The following STAB1 variants were observed in gnomAD, a reference collection of about 807,000 sequenced individuals.
STAB1 encodes stabilin-1.
Under a neutral mutation model 332.4 loss-of-function variants are expected in STAB1, and 250 were observed. That is an observed-to-expected ratio of 0.75 (90% confidence interval 0.68 to 0.84). The LOEUF is 0.84. STAB1 is among the 40% of genes least tolerant of loss of function. STAB1 has a pLI of 0.00. For synonymous variants in STAB1, 1,475 were observed against 1,390.4 expected (o/e 1.06, Z -1.35); for missense variants, 3,249 against 3,489.7 (o/e 0.93, Z 1.74).
chr3:52,506,444 C>T (rs907920455), intron 17 of STAB1, among the ~76,000 whole-genome samples, 194 bp downstream of exon 17: 2 of 152,198 alleles, frequency 1.3e-5, no homozygotes, highest in African/African-American at 4.8e-5. Flanking sequence ...GGGAGGACTC[C>T]AAAAAGGAGC....
intron 1 of STAB1, among the ~76,000 whole-genome samples, chr3:52,495,861 G>A (rs868846470): frequency 6.6e-6 from 1 of 152,326 alleles, no homozygotes; most frequent in Middle Eastern, 3.4e-3. Flanking sequence ...AACCCCCGAG[G>A]ACTACAGATT....
Position 52,523,558 on chromosome 3 carries a change from C to T in STAB1, c.7272C>T (p.Asn2424=), listed in dbSNP as rs2079153934. 1 of 1,612,846 alleles carries T rather than the reference C, an allele frequency of 6.2e-7. No individual in the cohort carries two copies. Among genetic ancestry groups the T allele is most frequent in the Non-Finnish European group, 8.5e-7 (1 of 1,180,000 alleles). The stretch of plus-strand genomic sequence containing the variant: ...TCATCAGTGACGCAGGCCCTGACAA[C>T]AGTTCCTGGGCCCCTGTGGTGAGTC... ...SLIISDAGPD[N]SSWAPVAPGT... is the part of the protein sequence containing the mutation. The change falls in exon 65 of 69, where the codon AAC becomes AAT. Residue 2424 remains asparagine (N), a synonymous_variant. Transcript: ENST00000321725.
chr3:52,520,745 G>A, intron 54 of STAB1, 47 bp downstream of exon 54: 1 of 1,612,612 alleles, frequency 6.2e-7, no homozygotes, highest in African/African-American at 1.3e-5. Flanking sequence ...GGGGCAGGCA[G>A]AGCCCAAGGA....
At position 52,501,083 on chromosome 3, in the gene STAB1, T is replaced by C. The variant is rs996624306; in HGVS notation, c.79-83T>C. 16 of 1,538,742 alleles carry C rather than the reference T, an allele frequency of 1.0e-5. No individual in the cohort carries two copies. The African/African-American group carries it at 1.6e-4, about 16-fold the overall frequency. On this transcript the variant is annotated intron_variant, in intron 1 of 68. Transcript: ENST00000321725. Reference sequence around the variant, plus strand: ...AGATGGGAAGTGGCAGCTGGAGGGGTGTGAGCCCTTGCAGCACTGAGGACA... The same window carrying C: ...AGATGGGAAGTGGCAGCTGGAGGGGCGTGAGCCCTTGCAGCACTGAGGACA...
chr3:52,501,539 A>G (rs1381883296), intron 2 of STAB1, 99 bp from the exon 3 acceptor site: 6 of 1,106,064 alleles, frequency 5.4e-6, no homozygotes, highest in East Asian at 2.8e-5. Context: ...CAGGCAGAGC[A>G]GGGAGGTGGG....
rs150486615 is a variant in STAB1, at chr3:52,523,562, T to G, written c.7276T>G (p.Ser2426Ala). The G allele has an allele frequency of 8.6e-5, 139 of 1,612,804 alleles. No homozygotes were observed. In the East Asian group the frequency reaches 1.8e-3, roughly 21 times the overall value. Residue 2426 changes from serine (S) to alanine (A), a missense_variant, in exon 65 of 69, where the codon TCC (serine) becomes GCC (alanine). Physicochemically the swap from Ser to Ala is moderately conservative, Grantham distance 99. Transcript: ENST00000321725. ...IISDAGPDNS[S>A]WAPVAPGTVV... is the part of the protein sequence containing the mutation. The stretch of plus-strand genomic sequence containing the variant: ...CAGTGACGCAGGCCCTGACAACAGT[T>G]CCTGGGCCCCTGTGGTGAGTCTGGC...
Position 52,523,691 on chromosome 3 carries a change from G to A in STAB1, c.7330G>A (p.Asp2444Asn). 6.2e-7 allele frequency: 1 copy of A among 1,612,024 alleles called. No individual in the cohort carries two copies. The highest frequency in any genetic ancestry group is 1.3e-5 in the African/African-American group (1 of 75,030). The stretch of plus-strand genomic sequence containing the variant: ...TGTGGTTAGCCGTATCATTGTGTGG[G>A]ACATCATGGCCTTCAATGGCATCAT... ...TVVVSRIIVW[D>N]IMAFNGIIHA... Residue 2444 changes from aspartate (D) to asparagine (N), a missense_variant, in exon 66 of 69, where the codon GAC (aspartate) becomes AAC (asparagine). Physicochemically the swap from Asp to Asn is conservative, Grantham distance 23. Coordinates refer to ENST00000321725, the MANE Select transcript of STAB1 (RefSeq NM_015136.3).
In STAB1 at chr3:52,502,787, G is replaced by T. The variant is rs1708549629; in HGVS notation, c.583+60G>T. The stretch of plus-strand genomic sequence containing the variant: ...GGTCCCTGTGGCCAGAGCAAAAGAG[G>T]CCGACTGGGTGAGGATGGGGCCTGA... On this transcript the variant is annotated intron_variant, in intron 6 of 68. Transcript: ENST00000321725. 8 of 1,553,770 alleles carry T rather than the reference G, an allele frequency of 5.1e-6. No homozygotes were observed. In the Admixed American group the frequency reaches 5.2e-5, roughly 10 times the overall value.
In STAB1 at chr3:52,522,211, A is replaced by G. The variant is rs570330359; in HGVS notation, c.6446A>G (p.Asn2149Ser). 7 of 1,612,638 alleles carry G rather than the reference A, an allele frequency of 4.3e-6. No individual in the cohort carries two copies. The East Asian group carries it at 1.6e-4, about 36-fold the overall frequency. ...GHRGGCSEHA[N>S]CLSTGLNTRR... ...CGCGGGGGCTGCAGCGAGCACGCCA[A>G]CTGCTTGAGCACCGGCCTGGTGAGC... The change falls in exon 59 of 69, where the codon AAC becomes AGC. Residue 2149 changes from asparagine to serine, a missense_variant. Transcript: ENST00000321725.
At chr3:52,499,898 CAAAAAA>C (rs4045133) in intron 1 of STAB1, among the ~76,000 whole-genome samples, 1 of 37,042 alleles carries the variant, frequency 2.7e-5, no homozygotes, top group African/African-American at 1.2e-4. Flanking sequence ...GACTCCATCT[CAAAAAA>C]AAAAAAAAAA....
intron 38 of STAB1, 27 bp from the exon 39 acceptor site, chr3:52,516,329 C>G (rs760016378): frequency 1.1e-5 from 17 of 1,605,044 alleles, no homozygotes; most frequent in Non-Finnish European, 1.4e-5. Flanking sequence ...CACTGGGCAA[C>G]TCCTATCCTC....
At position 52,512,432 on chromosome 3, in the gene STAB1, T is replaced by G. The variant is rs765130457; in HGVS notation, c.2975T>G (p.Phe992Cys). The G allele has an allele frequency of 3.7e-6, 6 of 1,610,316 alleles. No individual in the cohort carries two copies. In the South Asian group the frequency reaches 6.6e-5, roughly 18 times the overall value. The change falls in exon 27 of 69, where the codon TTC becomes TGC. Residue 992 changes from phenylalanine to cysteine, a missense_variant. Coordinates refer to ENST00000321725, the MANE Select transcript of STAB1 (RefSeq NM_015136.3). ...GDGFSCYGDI[F>C]RELEANAHFS... is the part of the protein sequence containing the mutation. ...GGCTTCAGCTGTTATGGAGACATCT[T>G]CCGGGTAAGGGGTGCTCAGACTCGT...
At position 52,513,236 on chromosome 3, in the gene STAB1, A is replaced by G. The variant is rs41292856; in HGVS notation, c.3265A>G (p.Ser1089Gly). 2.2e-3 allele frequency: 3,479 copies of G among 1,576,080 alleles called. 7 individuals are homozygous for G. Among genetic ancestry groups the G allele is most frequent in the Middle Eastern group, 3.7e-3 (19 of 5,096 alleles). Residue 1089 changes from serine to glycine, a missense_variant, in exon 30 of 69, where the codon AGT (serine) becomes GGT (glycine). By Grantham distance (56) the Ser-to-Gly change is moderately conservative (BLOSUM62 0). Coordinates refer to ENST00000321725, the MANE Select transcript of STAB1 (RefSeq NM_015136.3). ...CACACGCTGGGAGATTCGCAACATT[A>G]GTGGGGTATGTGGTGAACTCTGGGC... ...PTTRWEIRNI[S>G]GRVWVQNASV...
chr3:52,511,327 A>G (rs1709284881), intron 25 of STAB1, among the ~76,000 whole-genome samples: 1 of 152,320 alleles, frequency 6.6e-6, no homozygotes, highest in Admixed American at 6.5e-5. Flanking sequence ...TGGCCTTGGC[A>G]GGTACCTACA....
intron 55 of STAB1, 35 bp from the exon 56 acceptor site, chr3:52,521,326 C>T (rs760217983): frequency 1.2e-6 from 2 of 1,612,772 alleles, no homozygotes; most frequent in East Asian, 2.2e-5. Context: ...GTGAGAGCCC[C>T]TGGCCCCACC....
In STAB1 at chr3:52,513,195, C is replaced by A; in HGVS notation, c.3224C>A (p.Ala1075Asp). ...ELARLGGQEV[A>D]TLNPTTRWEI... ...GCCCGGCTGGGTGGGCAGGAAGTGG[C>A]CACCCTGAACCCCACCACACGCTGG... Residue 1075 changes from alanine to aspartate, a missense_variant, in exon 30 of 69, where the codon GCC becomes GAC. Physicochemically the swap from Ala to Asp is moderately radical, Grantham distance 126. Coordinates refer to ENST00000321725, the MANE Select transcript of STAB1 (RefSeq NM_015136.3). The A allele has an allele frequency of 6.3e-7, 1 of 1,585,722 alleles. No homozygotes were observed. The highest frequency in any genetic ancestry group is 8.6e-7 in the Non-Finnish European group (1 of 1,166,794).
chr3:52,523,155 G>C (rs1336277274), intron 63 of STAB1, 21 bp downstream of exon 63: 2 of 1,608,996 alleles, frequency 1.2e-6, no homozygotes, highest in Non-Finnish European at 1.7e-6. Flanking sequence ...GCCACCCTTG[G>C]GGGCGGGGGG....
intron 22 of STAB1, 23 bp from the exon 23 acceptor site, chr3:52,509,847 T>C (rs1301257162): frequency 1.2e-6 from 2 of 1,612,272 alleles, no homozygotes; most frequent in East Asian, 4.5e-5. Flanking sequence ...CTCAGTTTCC[T>C]TGCTCCCATC....
At chr3:52,498,413 G>A (rs1708201352) in intron 1 of STAB1, among the ~76,000 whole-genome samples, 1 of 152,216 alleles carries the variant, frequency 6.6e-6, no homozygotes, top group African/African-American at 2.4e-5. Context: ...GACCGCCGAT[G>A]CTCCTTCCAG....
Sources: allele counts gnomAD v4.1 joint callset (sites outside exome capture counted in the v4.1 genomes callset), GRCh38; gene constraint gnomAD v4.1.1; transcripts MANE v1.5; gene names NCBI Gene and HGNC (gene_info 2026-07-23, HGNC 2026-07-21).